PDE10A: variants seen among roughly 807,000 people sequenced by gnomAD.
PDE10A encodes the protein phosphodiesterase 10A, also known as cAMP and cAMP-inhibited cGMP 3',5'-cyclic phosphodiesterase 10A.
Under a neutral mutation model 97.7 loss-of-function variants are expected in PDE10A, and 39 were observed. The observed-to-expected ratio is 0.40, with a 90% confidence interval of 0.31 to 0.52. The LOEUF is 0.52. PDE10A is among the 20% of genes least tolerant of loss of function. The pLI is 0.56. For missense variants in PDE10A, 731 were observed against 1,047.8 expected (o/e 0.70, Z 4.17); for synonymous variants, 371 against 376.8 (o/e 0.98, Z 0.18).
chr6:165,430,298 G>C lies in PDE10A; in HGVS notation c.1590C>G (p.Leu530=), dbSNP rs141863025. The part of the protein sequence containing the change: ...AKQTELNDFL[L]DVSKTYFDNI... ...AAATGAACACTTACTTTGATACGTC[G>C]AGTAGGAAGTCATTCAATTCTGTCT... is the stretch of plus-strand genomic sequence containing the variant. The change falls in exon 9 of 22, where the codon CTC becomes CTG. Residue 530 remains leucine (L), a synonymous_variant. Coordinates refer to ENST00000539869, the MANE Select transcript of PDE10A (RefSeq NM_001385079.1). 2.2e-4 allele frequency: 347 copies of C among 1,606,918 alleles called. No individual in the cohort carries two copies. The African/African-American group carries it at 2.7e-3, about 13-fold the overall frequency.
In PDE10A at chr6:165,895,900, A is replaced by T. The variant is rs559655725; in HGVS notation, c.-615+91629T>A. On this transcript the variant is annotated intron_variant, in intron 1 of 19. Transcript: ENST00000366882. ...TCCTGGCTTCTGGACACACAAGCAG[A>T]TTGCACAATCCCACCTCCAGGGATT... is the stretch of plus-strand genomic sequence containing the variant. Among the ~76,000 whole-genome samples the T allele has an allele frequency of 2.0e-5, 3 of 152,282 alleles. No homozygotes were observed. In the East Asian group the frequency reaches 5.8e-4, roughly 29 times the overall value.
chr6:165,486,453 G>C (rs1212892175), intron 2 of PDE10A, among the ~76,000 whole-genome samples: 1 of 152,198 alleles, frequency 6.6e-6, no homozygotes, highest in Non-Finnish European at 1.5e-5. Flanking sequence ...GAGCTCCTTA[G>C]GTCGCTTCTG....
chr6:165,480,423 A>G (rs955938383), intron 3 of PDE10A, among the ~76,000 whole-genome samples: 1 of 152,010 alleles, frequency 6.6e-6, no homozygotes, highest in Non-Finnish European at 1.5e-5. Flanking sequence ...TCCCATCTCT[A>G]TTTAAAAAAA....
chr6:165,567,561 C>T lies in PDE10A; in HGVS notation c.866-23993G>A, dbSNP rs543097876. On this transcript the variant is annotated intron_variant, in intron 1 of 21. Coordinates refer to ENST00000539869, the MANE Select transcript of PDE10A (RefSeq NM_001385079.1). ...TCTTCACTGATAACTTCCCTGTAAA[C>T]ACCTGCTTATTACTTCTACTATGAA... is the stretch of plus-strand genomic sequence containing the variant. 7.6e-4 allele frequency among the ~76,000 whole-genome samples: 116 copies of T among 152,298 alleles called. 5 individuals are homozygous for T. In the South Asian group the frequency reaches 0.023, roughly 30 times the overall value.
At chr6:165,487,621 A>G (rs1779994579) in intron 2 of PDE10A, among the ~76,000 whole-genome samples, 1 of 152,150 alleles carries the variant, frequency 6.6e-6, no homozygotes, top group Admixed American at 6.5e-5. Context: ...TGAAGCCCAA[A>G]CCTGCAGTCA....
At position 165,330,881 on chromosome 6, in the gene PDE10A, T is replaced by C. The variant is rs1781301910; in HGVS notation, c.*2144A>G. The stretch of plus-strand genomic sequence containing the variant: ...ACTAACTTTTGTGACTAAAGCTGTG[T>C]TTGGTAGACTCCAGCTTCATAAATT... On this transcript the variant is annotated 3_prime_UTR_variant, in exon 22 of 22. Coordinates refer to ENST00000539869, the MANE Select transcript of PDE10A (RefSeq NM_001385079.1). The C allele has an allele frequency of 2.0e-5, 3 of 152,198 alleles. No individual in the cohort carries two copies. The highest frequency in any genetic ancestry group is 2.9e-5 in the Non-Finnish European group (2 of 68,024). 9.4% of individuals were successfully genotyped at this position (152,198 alleles called of 1,614,324 possible).
At chr6:165,941,034 G>A (rs1302765178) in intron 1 of PDE10A, among the ~76,000 whole-genome samples, 1 of 152,062 alleles carries the variant, frequency 6.6e-6, no homozygotes, top group Non-Finnish European at 1.5e-5. Context: ...AGTAGGGGAG[G>A]CAATACAGCG....
intron 10 of PDE10A, among the ~76,000 whole-genome samples, chr6:165,425,770 C>CATATGTGTGCGTGTGTGTGTGTGTGTGT (rs112669910): frequency 6.9e-6 from 1 of 144,036 alleles, no homozygotes; most frequent in African/African-American, 2.6e-5. Flanking sequence ...AAGGCATGAT[C>CATATGTGTGCGTGTGTGTGTGTGTGTGT]GTGTGTGTGT....
chr6:165,429,552 T>A (rs1789404953), intron 9 of PDE10A, among the ~76,000 whole-genome samples: 1 of 152,104 alleles, frequency 6.6e-6, no homozygotes, highest in Admixed American at 6.5e-5. Context: ...GCATATACAG[T>A]GACATGTGAA....
chr6:165,960,504 G>A (rs1784323162), intron 1 of PDE10A, among the ~76,000 whole-genome samples: 1 of 152,158 alleles, frequency 6.6e-6, no homozygotes, highest in African/African-American at 2.4e-5. Context: ...AATACAGTAA[G>A]GTTGGAAGGC....
chr6:165,720,795 A>T (rs1792148289), intron 1 of PDE10A, among the ~76,000 whole-genome samples: 2 of 152,178 alleles, frequency 1.3e-5, no homozygotes, highest in South Asian at 4.1e-4. Context: ...CAAGTTTAGG[A>T]TGATCAGACA....
In PDE10A at chr6:165,946,508, A is replaced by G. The variant is rs565041493; in HGVS notation, c.-615+41021T>C. On this transcript the variant is annotated intron_variant, in intron 1 of 19. Coordinates refer to the PDE10A transcript ENST00000366882. ...GACTCTATCTCAAAATAAAAAAAAA[A>G]AAAAAGAAAAAGAAAAAGGAAAAAA... Among the ~76,000 whole-genome samples the G allele has an allele frequency of 1.0e-3, 155 of 151,894 alleles. 2 individuals are homozygous for G. The highest frequency in any genetic ancestry group is 0.01 in the South Asian group (49 of 4,806).
intron 1 of PDE10A, among the ~76,000 whole-genome samples, chr6:165,797,329 C>A (rs1033478421): frequency 1.3e-5 from 2 of 152,166 alleles, no homozygotes; most frequent in Admixed American, 1.3e-4. Context: ...ACTGGTAATC[C>A]TTGTAAAATC....
intron 3 of PDE10A, among the ~76,000 whole-genome samples, chr6:165,470,981 C>G (rs970344776): frequency 6.6e-5 from 10 of 152,254 alleles, no homozygotes; most frequent in African/African-American, 2.4e-4. Flanking sequence ...CATTTCTCTC[C>G]TCTCTTTTCA....
chr6:165,346,228 G>A (rs948163472), intron 18 of PDE10A, among the ~76,000 whole-genome samples: 3 of 152,108 alleles, frequency 2.0e-5, no homozygotes, highest in East Asian at 1.9e-4. Context: ...GGGCAGGTTC[G>A]GAGTGATCAC....
At chr6:165,744,105 T>A (rs1434438112) in intron 1 of PDE10A, among the ~76,000 whole-genome samples, 28 of 152,210 alleles carry the variant, frequency 1.8e-4, no homozygotes, top group Non-Finnish European at 1.0e-4. Flanking sequence ...CATTTAAAAA[T>A]TTTTCTGCGA....
intron 1 of PDE10A, among the ~76,000 whole-genome samples, chr6:165,749,453 A>C (rs983115607): frequency 4.0e-5 from 5 of 126,074 alleles, no homozygotes; most frequent in African/African-American, 8.9e-5. Context: ...CCACCATCAC[A>C]TCACCATCAT....
chr6:165,488,026 T>C (rs1395595243), intron 2 of PDE10A, among the ~76,000 whole-genome samples: 1 of 77,098 alleles, frequency 1.3e-5, no homozygotes. Flanking sequence ...AGGAACAAAT[T>C]GGCAAAAAAA....
chr6:165,336,289 G>A (rs562660076), intron 20 of PDE10A, 78 bp from the exon 21 acceptor site: 1 of 983,886 alleles, frequency 1.0e-6, no homozygotes, highest in East Asian at 2.5e-5. Context: ...TTTCTTAAGT[G>A]ACTGTTCTGT....
Sources: allele counts gnomAD v4.1 joint callset (sites outside exome capture counted in the v4.1 genomes callset), GRCh38; gene constraint gnomAD v4.1.1; transcripts MANE v1.5; gene names NCBI Gene and HGNC (gene_info 2026-07-23, HGNC 2026-07-21).